Variants in CREB5 observed in about 807,000 individuals in gnomAD.
CREB5 encodes the protein cAMP responsive element binding protein 5.
Under a neutral mutation model 57.1 loss-of-function variants are expected in CREB5, and 19 were observed. That is an observed-to-expected ratio of 0.33 (90% CI 0.23 to 0.49). CREB5 has a LOEUF of 0.49. CREB5 is among the 20% of genes least tolerant of loss of function. The pLI, the probability that CREB5 is intolerant of heterozygous loss-of-function variation, is 0.99. For missense variants in CREB5, 579 were observed against 671.6 expected (o/e 0.86, Z 1.52); for synonymous variants, 238 against 238.3 (o/e 1.00, Z 0.01).
chr7:28,551,694 C>T (rs950718757), intron 4 of CREB5, among the ~76,000 whole-genome samples: 6 of 152,188 alleles, frequency 3.9e-5, no homozygotes, highest in Admixed American at 2.0e-4. Context: ...CTTGGTGAGT[C>T]GGGAGGGGAC....
At chr7:28,665,617 T>C (rs144652112) in intron 5 of CREB5, among the ~76,000 whole-genome samples, 1 of 152,292 alleles carries the variant, frequency 6.6e-6, no homozygotes, top group African/African-American at 2.4e-5. Flanking sequence ...ATTATCCATT[T>C]TTTTCTTTTG....
chr7:28,308,549 C>A (rs1785225393), intron 1 of CREB5, among the ~76,000 whole-genome samples: 1 of 152,140 alleles, frequency 6.6e-6, no homozygotes, highest in African/African-American at 2.4e-5. Flanking sequence ...AGTGGTAGAC[C>A]TGGACTCAAA....
At chr7:28,568,011 T>C (rs1016131258) in intron 4 of CREB5, among the ~76,000 whole-genome samples, 1 of 151,980 alleles carries the variant, frequency 6.6e-6, no homozygotes, top group African/African-American at 2.4e-5. Context: ...GGCTATAGTA[T>C]GGGAAAAAGG....
rs1422042971 is a variant in CREB5 at position 28,781,894 on chromosome 7, T to C, written c.703-22305T>C. Among the ~76,000 whole-genome samples, 4 of 151,972 alleles carry C rather than the reference T, an allele frequency of 2.6e-5. No homozygotes were observed. In the East Asian group the frequency reaches 7.7e-4, roughly 29 times the overall value. Reference sequence around the variant, plus strand: ...TTTAAAAACTGAACTTTACTAGAGATGTTGCTGAATACAAATATTCATTAA... The same window carrying C: ...TTTAAAAACTGAACTTTACTAGAGACGTTGCTGAATACAAATATTCATTAA... On this transcript the variant is annotated intron_variant, in intron 7 of 10. Transcript: ENST00000357727.
chr7:28,489,296 CTTT>C (rs70977046), intron 2 of CREB5, among the ~76,000 whole-genome samples: 2 of 96,638 alleles, frequency 2.1e-5, no homozygotes, highest in Admixed American at 1.3e-4. Context: ...GAGGACCCTT[CTTT>C]TTTTTTTTTT....
At chr7:28,642,147 T>G (rs1163752650) in intron 5 of CREB5, among the ~76,000 whole-genome samples, 1 of 152,234 alleles carries the variant, frequency 6.6e-6, no homozygotes, top group Non-Finnish European at 1.5e-5. Flanking sequence ...GAACTGGTTT[T>G]TTTCTTTTTT....
intron 5 of CREB5, among the ~76,000 whole-genome samples, chr7:28,641,784 C>T (rs1798669263): frequency 6.6e-6 from 1 of 152,150 alleles, no homozygotes; most frequent in African/African-American, 2.4e-5. Context: ...ACCCTAAATC[C>T]TCCAGGATTT....
chr7:28,636,984 A>T (rs1798446158), intron 5 of CREB5, among the ~76,000 whole-genome samples: 1 of 151,712 alleles, frequency 6.6e-6, no homozygotes, highest in South Asian at 2.1e-4. Context: ...TGAAACCCTG[A>T]CTCTACAAAA....
chr7:28,615,872 A>G (rs1331776935), intron 5 of CREB5: 17 of 152,208 alleles, frequency 1.1e-4, no homozygotes, highest in Admixed American at 1.1e-3. Context: ...ATGACCTCTC[A>G]TTACAGGGCC....
At chr7:28,560,933 T>C (rs13245592) in intron 4 of CREB5, among the ~76,000 whole-genome samples, 1,268 of 49,008 alleles carry the variant, frequency 0.026, 101 homozygotes, top group Middle Eastern at 0.045. Context: ...CGCGTGCGTG[T>C]GTGCGTGCGT....
intron 7 of CREB5, among the ~76,000 whole-genome samples, chr7:28,731,789 C>T (rs1406801971): frequency 6.6e-6 from 1 of 152,192 alleles, no homozygotes; most frequent in Non-Finnish European, 1.5e-5. Context: ...ATCAGCTTTT[C>T]CCTTCTATGT....
intron 5 of CREB5, among the ~76,000 whole-genome samples, chr7:28,611,632 C>T (rs373352211): frequency 4.0e-5 from 6 of 150,066 alleles, no homozygotes; most frequent in East Asian, 2.0e-4. Context: ...GCTGAGATTG[C>T]GCCACTGCAC....
At chr7:28,365,046 G>A (rs892149227) in intron 1 of CREB5, among the ~76,000 whole-genome samples, 4 of 152,034 alleles carry the variant, frequency 2.6e-5, no homozygotes, top group Admixed American at 2.6e-4. Flanking sequence ...CAGCTCCTTA[G>A]CTTTATCACC....
chr7:28,637,272 T>C (rs1798459701), intron 5 of CREB5, among the ~76,000 whole-genome samples: 1 of 152,206 alleles, frequency 6.6e-6, no homozygotes, highest in African/African-American at 2.4e-5. Flanking sequence ...GTAGTGAAGA[T>C]AGTGAATTTC....
At position 28,719,788 on chromosome 7, in the gene CREB5, G is replaced by A. The variant is rs886642832; in HGVS notation, c.591+909G>A. Among the ~76,000 whole-genome samples the A allele has an allele frequency of 4.6e-5, 7 of 152,288 alleles. No individual in the cohort carries two copies. The East Asian group carries it at 5.8e-4, about 13-fold the overall frequency. ...ATAAAAATAATAGATAAGGCCAGGC[G>A]TGGTGGCTCTCGCCTGTAATCCCAG... On this transcript the variant is annotated intron_variant, in intron 6 of 10. Transcript: ENST00000357727.
At chr7:28,518,417 T>C (rs1583568164) in intron 4 of CREB5, among the ~76,000 whole-genome samples, 1 of 152,162 alleles carries the variant, frequency 6.6e-6, no homozygotes, top group Non-Finnish European at 1.5e-5. Context: ...AAAGAAGTCG[T>C]CCCCTTCCTG....
intron 1 of CREB5, among the ~76,000 whole-genome samples, chr7:28,474,172 T>TAA (rs1375482554): frequency 6.6e-6 from 1 of 152,132 alleles, no homozygotes; most frequent in Non-Finnish European, 1.5e-5. Flanking sequence ...TTTTGGAACT[T>TAA]TCTTTGAGTA....
At chr7:28,320,222 G>T (rs1026492490) in intron 1 of CREB5, among the ~76,000 whole-genome samples, 2 of 152,150 alleles carry the variant, frequency 1.3e-5, no homozygotes, top group Non-Finnish European at 2.9e-5. Flanking sequence ...GAGCCACCAC[G>T]CCTGGCCGCT....
At chr7:28,753,809 G>A (rs1805121841) in intron 7 of CREB5, among the ~76,000 whole-genome samples, 1 of 151,990 alleles carries the variant, frequency 6.6e-6, no homozygotes, top group Non-Finnish European at 1.5e-5. Flanking sequence ...TCAATATCTA[G>A]CTTTTCCATG....
Sources: gnomAD v4.1 joint callset for allele counts (sites outside exome capture counted in the v4.1 genomes callset) on GRCh38, gnomAD v4.1.1 for gene constraint, MANE v1.5 for transcripts, NCBI Gene and HGNC (gene_info 2026-07-23, HGNC 2026-07-21) for gene names.